MYCBP2: variants seen among roughly 807,000 people sequenced by gnomAD.
MYCBP2 encodes E3 ubiquitin-protein ligase MYCBP2.
A neutral mutation model predicts 525.3 loss-of-function variants in MYCBP2; 120 were observed. The observed-to-expected ratio is 0.23, with a 90% CI of 0.20 to 0.27. The LOEUF is 0.27. MYCBP2 is among the 10% of genes least tolerant of loss of function. MYCBP2 has a pLI of 1.00. For synonymous variants in MYCBP2, 1,894 were observed against 1,955.8 expected (o/e 0.97, Z 0.83); for missense variants, 4,149 against 5,657.1 (o/e 0.73, Z 8.55).
At chr13:77,045,893 T>C (rs749571759) in intron 82 of MYCBP2, among the ~76,000 whole-genome samples, 13 of 152,214 alleles carry the variant, frequency 8.5e-5, no homozygotes, top group Non-Finnish European at 1.3e-4. Context: ...GATTTTTGTG[T>C]AGAATGTTTT....
chr13:77,182,095 T>C (rs959648225), intron 32 of MYCBP2, among the ~76,000 whole-genome samples, 173 bp from the exon 33 acceptor site: 2 of 152,170 alleles, frequency 1.3e-5, no homozygotes, highest in Non-Finnish European at 2.9e-5. Context: ...ATTTAAAAAA[T>C]TGTTTAAGTT....
chr13:77,272,544 A>C (rs1446468101), intron 5 of MYCBP2: 11 of 152,268 alleles, frequency 7.2e-5, no homozygotes, highest in Non-Finnish European at 1.5e-4. Flanking sequence ...CATATATTTA[A>C]ATTAAACATT....
Position 77,275,048 on chromosome 13 carries a change from A to G in MYCBP2, c.749-1380T>C, listed in dbSNP as rs537995825. Reference sequence around the variant, plus strand: ...CCAATTATTATCCTTCAGTGAGTACATCTGTTGATTATTCAGCAAATATAT... The same window carrying G: ...CCAATTATTATCCTTCAGTGAGTACGTCTGTTGATTATTCAGCAAATATAT... On this transcript the variant is annotated intron_variant, in intron 4 of 82. Coordinates refer to ENST00000544440, the MANE Select transcript of MYCBP2 (RefSeq NM_015057.5). 8.5e-5 allele frequency among the ~76,000 whole-genome samples: 13 copies of G among 152,160 alleles called. 1 individual carries two copies. Among genetic ancestry groups the G allele is most frequent in the African/African-American group, 3.1e-4 (13 of 41,510 alleles).
At chr13:77,067,332 G>C (rs1382563758) in intron 71 of MYCBP2, among the ~76,000 whole-genome samples, 8 of 152,132 alleles carry the variant, frequency 5.3e-5, no homozygotes, top group African/African-American at 1.9e-4. Flanking sequence ...TGAGAGGTAG[G>C]TATCTAGAAT....
rs188025156 is a variant in MYCBP2 at position 77,314,439 on chromosome 13, A to C, written c.302+12035T>G. 1.7e-3 allele frequency among the ~76,000 whole-genome samples: 254 copies of C among 152,356 alleles called. 4 individuals carry two copies. The highest frequency in any genetic ancestry group is 5.4e-3 in the African/African-American group (225 of 41,584). On this transcript the variant is annotated intron_variant, in intron 1 of 82. Transcript: ENST00000544440. ...CTACATGGTGGATTATTCAGTGGTA[A>C]GAAATGAGCTATCAAGTCTCATACA... is the stretch of plus-strand genomic sequence containing the variant.
At chr13:77,195,068 A>C (rs1416315279) in intron 26 of MYCBP2, among the ~76,000 whole-genome samples, 3 of 152,134 alleles carry the variant, frequency 2.0e-5, no homozygotes, top group Non-Finnish European at 4.4e-5. Flanking sequence ...TAATTATGGA[A>C]GGTGAATTGC....
chr13:77,175,841 C>T (rs1319262065), intron 36 of MYCBP2, among the ~76,000 whole-genome samples: 1 of 151,670 alleles, frequency 6.6e-6, no homozygotes, highest in Admixed American at 6.6e-5. Context: ...GCTGTAATTC[C>T]AGCTACTCGG....
intron 18 of MYCBP2, among the ~76,000 whole-genome samples, chr13:77,228,623 G>T (rs1056465362): frequency 8.6e-5 from 13 of 151,830 alleles, no homozygotes; most frequent in Admixed American, 6.6e-4. Flanking sequence ...AAAATTGACA[G>T]ATGTGAATAA....
At chr13:77,245,501 C>T (rs927580874) in intron 15 of MYCBP2, among the ~76,000 whole-genome samples, 39 of 151,254 alleles carry the variant, frequency 2.6e-4, no homozygotes, top group Admixed American at 2.2e-3. Context: ...CAAACTAACC[C>T]AGGAACAGAA....
Position 77,121,585 on chromosome 13 carries a change from G to A in MYCBP2, c.8018-90C>T. The A allele has an allele frequency of 4.0e-6, 5 of 1,252,358 alleles. No individual in the cohort carries two copies. The South Asian group carries it at 1.3e-4, about 32-fold the overall frequency. 77.6% of individuals were successfully genotyped at this position (1,252,358 alleles called of 1,614,324 possible). On this transcript the variant is annotated intron_variant, in intron 54 of 82. Coordinates refer to ENST00000544440, the MANE Select transcript of MYCBP2 (RefSeq NM_015057.5). ...GAGAGAAAATTGCAAAAGATTTTATGATGGTTAGATTTTAAAATAAGCTCA... is the reference window on the plus strand; with the variant it reads ...GAGAGAAAATTGCAAAAGATTTTATAATGGTTAGATTTTAAAATAAGCTCA...
intron 78 of MYCBP2, among the ~76,000 whole-genome samples, chr13:77,057,842 T>C (rs1428628823): frequency 2.9e-5 from 4 of 137,524 alleles, no homozygotes; most frequent in African/African-American, 7.9e-5. Context: ...TGCTTTTTTT[T>C]TTTTTTTTTT....
intron 21 of MYCBP2, among the ~76,000 whole-genome samples, chr13:77,215,665 C>A (rs899808332): frequency 6.6e-6 from 1 of 152,192 alleles, no homozygotes; most frequent in Non-Finnish European, 1.5e-5. Flanking sequence ...GCTCTCACTA[C>A]AGCCTCGACC....
intron 21 of MYCBP2, among the ~76,000 whole-genome samples, chr13:77,213,192 G>A (rs1298852146): frequency 6.6e-6 from 1 of 152,084 alleles, no homozygotes; most frequent in Non-Finnish European, 1.5e-5. Context: ...ATGTAAACAG[G>A]GGCCAGGTGC....
intron 55 of MYCBP2, among the ~76,000 whole-genome samples, chr13:77,118,900 C>T (rs2050228960): frequency 1.3e-5 from 2 of 152,256 alleles, no homozygotes; most frequent in South Asian, 2.1e-4. Flanking sequence ...TACCACCCTG[C>T]CTCATCGGCA....
At chr13:77,180,656 A>G (rs1822817755) in intron 33 of MYCBP2, among the ~76,000 whole-genome samples, 7 of 152,210 alleles carry the variant, frequency 4.6e-5, no homozygotes, top group Admixed American at 4.6e-4. Context: ...GCGTGGTGTC[A>G]GCAATACCAG....
chr13:77,067,955 T>C, intron 70 of MYCBP2, 91 bp from the exon 71 acceptor site: 2 of 1,328,186 alleles, frequency 1.5e-6, no homozygotes, highest in East Asian at 2.5e-5. Flanking sequence ...AAAGACAGGG[T>C]CTTGCTTTGT....
intron 73 of MYCBP2, among the ~76,000 whole-genome samples, chr13:77,063,004 ATGAAT>A (rs1282018431): frequency 6.6e-6 from 1 of 152,244 alleles, no homozygotes; most frequent in Admixed American, 6.5e-5. Flanking sequence ...ATATGAATAA[ATGAAT>A]TGGCATATTT....
intron 1 of MYCBP2, among the ~76,000 whole-genome samples, chr13:77,298,857 A>G (rs187103312): frequency 1.3e-5 from 2 of 152,320 alleles, no homozygotes; most frequent in East Asian, 3.9e-4. Flanking sequence ...CTGCTTATAG[A>G]ATCTACTCAA....
Position 77,122,424 on chromosome 13 carries a change from G to A in MYCBP2, c.8018-929C>T, listed in dbSNP as rs1014236460. Among the ~76,000 whole-genome samples the A allele has an allele frequency of 1.1e-4, 17 of 151,738 alleles. 1 individual carries two copies. Among genetic ancestry groups the A allele is most frequent in the Admixed American group, 2.0e-4 (3 of 15,224 alleles). On this transcript the variant is annotated intron_variant, in intron 54 of 82. Transcript: ENST00000544440. ...TTTTAAAAGTCAATAGTCCTTGGCCGGTCGCGGTGGCTTACGCTTGTAATC... is the reference window on the plus strand; with the variant it reads ...TTTTAAAAGTCAATAGTCCTTGGCCAGTCGCGGTGGCTTACGCTTGTAATC...
Sources: allele counts gnomAD v4.1 joint callset (sites outside exome capture counted in the v4.1 genomes callset), GRCh38; gene constraint gnomAD v4.1.1; transcripts MANE v1.5; gene names NCBI Gene and HGNC (gene_info 2026-07-23, HGNC 2026-07-21).